Variants in CC2D2B observed in about 807,000 individuals in gnomAD.
The protein encoded by CC2D2B is protein CC2D2B.
In CC2D2B, 128 loss-of-function variants were observed where a neutral mutation model predicts 161.2. That is an observed-to-expected ratio of 0.79 (90% CI 0.69 to 0.92). CC2D2B has a LOEUF of 0.92. Ranked by LOEUF, CC2D2B falls within the 40% of genes least tolerant of loss-of-function variation. The pLI is 0.00. For synonymous variants in CC2D2B, 391 were observed against 449.8 expected, an observed-to-expected ratio of 0.87 and a Z score of 1.65; for missense variants, 1,173 against 1,375.1, an observed-to-expected ratio of 0.85 and a Z score of 2.32.
At chr10:95,973,498 T>A (rs2077208370) in intron 16 of CC2D2B, among the ~76,000 whole-genome samples, 1 of 152,060 alleles carries the variant, frequency 6.6e-6, no homozygotes, top group South Asian at 2.1e-4. Context: ...TTCATCTCAA[T>A]CTTTACCTTC....
intron 2 of CC2D2B, among the ~76,000 whole-genome samples, chr10:95,917,486 TTC>T (rs1271172254): frequency 6.6e-6 from 1 of 152,158 alleles, no homozygotes; most frequent in African/African-American, 2.4e-5. Context: ...TCCGTCTGTC[TTC>T]TGTTTTTGGT....
At chr10:96,007,498 T>C (rs2078801865) in intron 25 of CC2D2B, among the ~76,000 whole-genome samples, 1 of 152,158 alleles carries the variant, frequency 6.6e-6, no homozygotes, top group Non-Finnish European at 1.5e-5. Context: ...CCTACAAAGC[T>C]ACCTAAGTGT....
chr10:95,952,156 T>G (rs2076422984), intron 10 of CC2D2B, among the ~76,000 whole-genome samples: 1 of 152,196 alleles, frequency 6.6e-6, no homozygotes, highest in Non-Finnish European at 1.5e-5. Flanking sequence ...TTCAAACCAA[T>G]TCAGAGTAGT....
chr10:95,984,645 G>C (rs1420719374), intron 19 of CC2D2B: 1 of 152,138 alleles, frequency 6.6e-6, no homozygotes, highest in Non-Finnish European at 1.5e-5. Flanking sequence ...GGGGAGCTGA[G>C]GCAGAAGGAT....
At chr10:95,999,951 C>T (rs1158789056) in intron 24 of CC2D2B, 6 of 592,162 alleles carry the variant, frequency 1.0e-5, no homozygotes, top group African/African-American at 9.5e-5. Flanking sequence ...GCTATCTCAG[C>T]TCTTAGAGCA....
At chr10:95,980,634 G>A (rs980570306) in intron 17 of CC2D2B, among the ~76,000 whole-genome samples, 12 of 152,030 alleles carry the variant, frequency 7.9e-5, no homozygotes, top group African/African-American at 2.9e-4. Flanking sequence ...GCAGACATGG[G>A]AAGCAAAAGA....
intron 2 of CC2D2B, among the ~76,000 whole-genome samples, chr10:95,914,042 C>G (rs2098511399): frequency 6.6e-6 from 1 of 152,252 alleles, no homozygotes; most frequent in South Asian, 2.1e-4. Context: ...TTGCCCAGAC[C>G]AATGTCCTGG....
intron 32 of CC2D2B, chr10:96,022,847 A>C (rs188235210): frequency 6.6e-6 from 1 of 152,500 alleles, no homozygotes; most frequent in East Asian, 1.9e-4. Flanking sequence ...TGGGGAGTGC[A>C]CAGCAGGAGG....
intron 22 of CC2D2B, among the ~76,000 whole-genome samples, chr10:95,993,529 A>G (rs921896379): frequency 1.3e-5 from 2 of 152,166 alleles, no homozygotes; most frequent in East Asian, 1.9e-4. Flanking sequence ...TATAGTTAAC[A>G]TCTCTTAAAG....
chr10:95,945,114 T>C (rs1184862810), intron 9 of CC2D2B, among the ~76,000 whole-genome samples: 3 of 152,228 alleles, frequency 2.0e-5, no homozygotes, highest in African/African-American at 7.2e-5. Flanking sequence ...AGATGTGGTG[T>C]CTTAATCTTG....
At chr10:95,995,192 GA>G in intron 22 of CC2D2B, 76 bp from the exon 23 acceptor site, 1 of 749,354 alleles carries the variant, frequency 1.3e-6, no homozygotes, top group Non-Finnish European at 2.1e-6. Context: ...ATAAGCACAG[GA>G]AAAACCCACC....
rs2079359658 is a variant in CC2D2B, at chr10:96,019,465, A to G, written c.3765+128A>G. 6.4e-6 allele frequency: 6 copies of G among 939,832 alleles called. No homozygotes were observed. In the Admixed American group the frequency reaches 7.8e-5, roughly 12 times the overall value. The allele number at this position is 939,832 out of a possible 1,614,324, so 58.2% of individuals were successfully genotyped here. ...ATTCCCTAGGGCATGGGGCCGGGGC[A>G]ATCTTTTATCACTAAAGCTCCTCCA... On this transcript the variant is annotated intron_variant, in intron 31 of 34. Transcript: ENST00000646931.
chr10:96,024,743 G>T, intron 32 of CC2D2B, 110 bp from the exon 33 acceptor site: 1 of 555,640 alleles, frequency 1.8e-6, no homozygotes, highest in Non-Finnish European at 3.3e-6. Context: ...GAGTGTTTTT[G>T]CCACAGAAGC....
At chr10:95,962,115 CATATAT>C (rs57738249) in intron 12 of CC2D2B, 146 bp downstream of exon 12, 10 of 310,634 alleles carry the variant, frequency 3.2e-5, no homozygotes, top group East Asian at 4.9e-5. Flanking sequence ...AATACATAAA[CATATAT>C]ATATATATAT....
intron 6 of CC2D2B, among the ~76,000 whole-genome samples, chr10:95,932,497 T>C (rs1221991106): frequency 6.6e-6 from 1 of 152,250 alleles, no homozygotes; most frequent in African/African-American, 2.4e-5. Flanking sequence ...TAATTTGGTA[T>C]GTTTTTGCAG....
rs529967318 is a variant in CC2D2B, at chr10:95,924,297, T to C, written c.98-17T>C. 2 of 1,379,510 alleles carry C rather than the reference T, an allele frequency of 1.4e-6. No individual in the cohort carries two copies. The highest frequency in any genetic ancestry group is 1.5e-5 in the African/African-American group (1 of 67,266). 85.5% of individuals were successfully genotyped at this position (1,379,510 alleles called of 1,614,324 possible). A position where few individuals can be genotyped will look rare whatever the true frequency, so the allele number is the denominator to read the frequency against. On this transcript the variant is annotated splice_polypyrimidine_tract_variant and intron_variant, in intron 3 of 34. Transcript: ENST00000646931. ...ATAAAGTGTCATAAACTCTTTATTATGTTGGTTTCCTGATAGATTTAGATG... is the reference window on the plus strand; with the variant it reads ...ATAAAGTGTCATAAACTCTTTATTACGTTGGTTTCCTGATAGATTTAGATG...
In CC2D2B at chr10:95,977,402, A is replaced by C. The variant is rs916734045; in HGVS notation, c.1943+3246A>C. 2.0e-5 allele frequency among the ~76,000 whole-genome samples: 3 copies of C among 152,154 alleles called. No individual in the cohort carries two copies. The South Asian group carries it at 6.2e-4, about 32-fold the overall frequency. ...AAACAAACAAATCAGAAAACCAAAA[A>C]CAAACAAACAAAAAAAACACCACAC... is the stretch of plus-strand genomic sequence containing the variant. On this transcript the variant is annotated intron_variant, in intron 17 of 34. Coordinates refer to ENST00000646931, the MANE Select transcript of CC2D2B (RefSeq NM_001349008.3).
chr10:95,984,570 A>G (rs1281153644), intron 19 of CC2D2B: 1 of 152,204 alleles, frequency 6.6e-6, no homozygotes, highest in Non-Finnish European at 1.5e-5. Flanking sequence ...GGGTAGAGAT[A>G]TGGATTTTAA....
chr10:95,934,217 G>A (rs568419075), intron 6 of CC2D2B, among the ~76,000 whole-genome samples: 32 of 152,104 alleles, frequency 2.1e-4, no homozygotes, highest in African/African-American at 5.8e-4. Flanking sequence ...CAGTAATGGC[G>A]GACGCCCCTT....
Sources: allele counts gnomAD v4.1 joint callset (sites outside exome capture counted in the v4.1 genomes callset), GRCh38; gene constraint gnomAD v4.1.1; transcripts MANE v1.5; gene names NCBI Gene and HGNC (gene_info 2026-07-23, HGNC 2026-07-21).